HTR1F: variants seen among roughly 807,000 people sequenced by gnomAD.
The protein encoded by HTR1F is 5-hydroxytryptamine receptor 1F, also known as 5-hydroxytryptamine (serotonin) receptor 1F, G protein-coupled.
Under a neutral mutation model 24.0 loss-of-function variants are expected in HTR1F, and 17 were observed. That is an observed-to-expected ratio of 0.71 (90% confidence interval 0.48 to 1.06). The LOEUF (loss-of-function observed/expected upper bound fraction) is 1.06, where lower values mean the gene tolerates loss of function less well. Ranked by LOEUF, HTR1F falls within the 50% of genes least tolerant of loss-of-function variation. The pLI, the probability that HTR1F is intolerant of heterozygous loss-of-function variation, is 0.00. For synonymous variants in HTR1F, 186 were observed against 156.8 expected (o/e 1.19, Z -1.39); for missense variants, 391 against 427.8 (o/e 0.91, Z 0.76).
chr3:87,976,727 T>C (rs530679887), intron 2 of HTR1F, among the ~76,000 whole-genome samples: 4 of 152,338 alleles, frequency 2.6e-5, no homozygotes, highest in African/African-American at 9.6e-5. Flanking sequence ...ATTTATCAGA[T>C]AGCTAACTTT....
intron 2 of HTR1F, among the ~76,000 whole-genome samples, chr3:87,902,986 C>T (rs2107329829): frequency 6.6e-6 from 1 of 151,520 alleles, no homozygotes; most frequent in Admixed American, 6.6e-5. Context: ...CTACAACTAT[C>T]TGATCTTTGA....
intron 2 of HTR1F, among the ~76,000 whole-genome samples, chr3:87,912,603 A>T (rs1255156918): frequency 2.0e-5 from 3 of 150,646 alleles, no homozygotes; most frequent in African/African-American, 7.3e-5. Flanking sequence ...TAAAAAAAAA[A>T]AAAGTCTGAA....
chr3:87,793,286 C>T (rs75709417), intron 1 of HTR1F: 20,204 of 151,276 alleles, frequency 0.13, 1,406 homozygotes, highest in East Asian at 0.19. Context: ...GGAGAGTCTT[C>T]GAATCCATCT....
intron 2 of HTR1F, among the ~76,000 whole-genome samples, chr3:87,843,513 T>TC (rs1188097518): frequency 7.1e-6 from 1 of 141,236 alleles, no homozygotes; most frequent in Non-Finnish European, 1.5e-5. Flanking sequence ...TTCTTTTTCT[T>TC]TTTTTTTTTT....
At chr3:87,905,318 CA>C (rs201880346) in intron 2 of HTR1F, among the ~76,000 whole-genome samples, 2 of 146,848 alleles carry the variant, frequency 1.4e-5, no homozygotes, top group Admixed American at 6.8e-5. Flanking sequence ...CTCAAACAAA[CA>C]AAAAAAAAGT....
chr3:87,808,341 T>TTGGTCAGTTG (rs1259001968), intron 1 of HTR1F, among the ~76,000 whole-genome samples: 1 of 152,146 alleles, frequency 6.6e-6, no homozygotes, highest in African/African-American at 2.4e-5. Context: ...TGATTCAATC[T>TTGGTCAGTTG]TGGTCAGTTG....
chr3:87,804,752 G>A (rs1390030386), intron 1 of HTR1F, among the ~76,000 whole-genome samples: 1 of 151,870 alleles, frequency 6.6e-6, no homozygotes, highest in Non-Finnish European at 1.5e-5. Flanking sequence ...AGAAATTATT[G>A]ATAATATGTA....
chr3:87,862,680 G>A (rs531977014), intron 2 of HTR1F, among the ~76,000 whole-genome samples: 15 of 151,860 alleles, frequency 9.9e-5, no homozygotes, highest in Non-Finnish European at 2.1e-4. Context: ...CCTGACTTCC[G>A]CTGTCTCTAA....
chr3:87,937,368 C>G (rs1279102816), intron 2 of HTR1F, among the ~76,000 whole-genome samples: 2 of 152,060 alleles, frequency 1.3e-5, no homozygotes, highest in African/African-American at 4.8e-5. Flanking sequence ...AAAAACAAAA[C>G]GACATGATTG....
At chr3:87,813,359 G>A (rs1246000954) in intron 1 of HTR1F, among the ~76,000 whole-genome samples, 1 of 152,038 alleles carries the variant, frequency 6.6e-6, no homozygotes, top group Non-Finnish European at 1.5e-5. Context: ...CCTTTGTTTT[G>A]GCCAATTTCA....
At chr3:87,939,185 G>C (rs1390988421) in intron 2 of HTR1F, among the ~76,000 whole-genome samples, 3 of 152,188 alleles carry the variant, frequency 2.0e-5, no homozygotes, top group Admixed American at 6.5e-5. Flanking sequence ...TTATTGGTTT[G>C]TGTATTTTGA....
intron 1 of HTR1F, among the ~76,000 whole-genome samples, chr3:87,811,465 T>C (rs986645775): frequency 2.0e-5 from 3 of 152,192 alleles, no homozygotes; most frequent in African/African-American, 4.8e-5. Flanking sequence ...ATAAAGGATA[T>C]GACAATGATT....
chr3:87,920,029 T>TCATATATATATATATA lies in HTR1F; in HGVS notation c.-42-70679_-42-70678insCATATATATATATATA, dbSNP rs553446843. Among the ~76,000 whole-genome samples the TCATATATATATATATA allele has an allele frequency of 2.8e-5, 4 of 142,038 alleles. No individual in the cohort carries two copies. The South Asian group carries it at 8.9e-4, about 31-fold the overall frequency. The allele number at this position is 142,038 out of a possible 152,430, so 93.2% of individuals were successfully genotyped here. The stretch of plus-strand genomic sequence containing the variant: ...GTGTGGGAGAGATATATATGTAATA[T>TCATATATATATATATA]TATATATATATATATATATATGATA... On this transcript the variant is annotated intron_variant, in intron 2 of 2. Coordinates refer to ENST00000319595, the MANE Select transcript of HTR1F (RefSeq NM_001322209.2).
intron 2 of HTR1F, among the ~76,000 whole-genome samples, chr3:87,931,767 G>A: frequency 6.7e-6 from 1 of 150,158 alleles, no homozygotes; most frequent in Non-Finnish European, 1.5e-5. Context: ...GTATCTCATA[G>A]TGGTTTTGAT....
intron 2 of HTR1F, among the ~76,000 whole-genome samples, chr3:87,899,508 C>T (rs1337806674): frequency 6.6e-6 from 1 of 152,104 alleles, no homozygotes; most frequent in Admixed American, 6.6e-5. Context: ...AAAGCTAAAT[C>T]CTTTTATAAT....
Position 87,991,891 on chromosome 3 carries a change from G to T in HTR1F, c.*41G>T. ...TTATTGAAGGATGGGGGTTTTTGAG[G>T]GGAGGAATAACTAGATGAATGCCAA... is the stretch of plus-strand genomic sequence containing the variant. On this transcript the variant is annotated 3_prime_UTR_variant, in exon 3 of 3. Transcript: ENST00000319595. 1 of 1,498,480 alleles carries T rather than the reference G, an allele frequency of 6.7e-7. No homozygotes were observed. The allele number at this position is 1,498,480 out of a possible 1,614,324, so 92.8% of individuals were successfully genotyped here.
chr3:87,823,383 C>T (rs1368000275), intron 2 of HTR1F, among the ~76,000 whole-genome samples: 1 of 152,062 alleles, frequency 6.6e-6, no homozygotes, highest in Non-Finnish European at 1.5e-5. Flanking sequence ...ATGCTCTTGC[C>T]CCTGCAAAGT....
At chr3:87,851,608 C>G (rs1349711296) in intron 2 of HTR1F, among the ~76,000 whole-genome samples, 1 of 151,578 alleles carries the variant, frequency 6.6e-6, no homozygotes, top group Non-Finnish European at 1.5e-5. Flanking sequence ...TAATGACAGT[C>G]TAATATTCCA....
intron 2 of HTR1F, among the ~76,000 whole-genome samples, chr3:87,909,206 T>C (rs1243904501): frequency 6.6e-6 from 1 of 151,894 alleles, no homozygotes; most frequent in African/African-American, 2.4e-5. Flanking sequence ...TGGTGTGGAG[T>C]GGCTATATGG....
Sources: gnomAD v4.1 joint callset for allele counts (sites outside exome capture counted in the v4.1 genomes callset) on GRCh38, gnomAD v4.1.1 for gene constraint, MANE v1.5 for transcripts, NCBI Gene and HGNC (gene_info 2026-07-23, HGNC 2026-07-21) for gene names.